Variants in ADCY5 observed in about 807,000 individuals in gnomAD.
ADCY5 encodes the protein adenylate cyclase 5.
In ADCY5, 30 loss-of-function variants were observed where a neutral mutation model predicts 119.7. The observed-to-expected ratio is 0.25, with a 90% CI of 0.19 to 0.34. The LOEUF (loss-of-function observed/expected upper bound fraction) is 0.34, where lower values mean the gene tolerates loss of function less well. Ranked by LOEUF, ADCY5 falls within the 10% of genes least tolerant of loss-of-function variation. The pLI, the probability that ADCY5 is intolerant of heterozygous loss-of-function variation, is 1.00. For missense variants in ADCY5, 1,324 were observed against 1,775.2 expected, an observed-to-expected ratio of 0.75 and a Z score of 4.57; for synonymous variants, 753 against 762.2, an observed-to-expected ratio of 0.99 and a Z score of 0.20.
intron 1 of ADCY5, among the ~76,000 whole-genome samples, chr3:123,430,577 C>G (rs902562224): frequency 2.0e-5 from 3 of 152,260 alleles, no homozygotes; most frequent in African/African-American, 7.2e-5. Flanking sequence ...ACGGGCTTTT[C>G]TAGGCCATTG....
chr3:123,443,918 A>AG (rs1490814891), intron 1 of ADCY5, among the ~76,000 whole-genome samples: 2 of 152,216 alleles, frequency 1.3e-5, no homozygotes, highest in Admixed American at 1.3e-4. Flanking sequence ...TCCAGACCAT[A>AG]GAGCTGCTGC....
Position 123,347,812 on chromosome 3 carries a change from T to C in ADCY5, c.1376A>G (p.Lys459Arg), listed in dbSNP as rs1085307592. ...GTTGTCATGTTTCTGGATGTAAATC[T>C]TATGGAACATCATATCCTCCTGCTT... ...NAKQEDMMFH[K>R]IYIQKHDNVS... Residue 459 changes from lysine to arginine, a missense_variant, in exon 3 of 21, where the codon AAG (lysine) becomes AGG (arginine). By Grantham distance (26) the Lys-to-Arg change is conservative (BLOSUM62 2). Around this residue, in one of 6 missense-constraint regions of ADCY5, gnomAD observed 123 missense variants for 287.9 expected, o/e 0.43. Coordinates refer to ENST00000462833, the MANE Select transcript of ADCY5 (RefSeq NM_183357.3). 3.1e-6 allele frequency: 5 copies of C among 1,614,114 alleles called. No individual in the cohort carries two copies. Among genetic ancestry groups the C allele is most frequent in the Non-Finnish European group, 4.2e-6 (5 of 1,179,996 alleles).
intron 13 of ADCY5, among the ~76,000 whole-genome samples, 186 bp from the exon 14 acceptor site, chr3:123,303,405 G>A (rs1044584517): frequency 1.3e-5 from 2 of 152,178 alleles, no homozygotes; most frequent in East Asian, 1.9e-4. Context: ...TGGCTGGAGG[G>A]GGTGTGGCTA....
chr3:123,404,774 G>A (rs1442095103), intron 1 of ADCY5, among the ~76,000 whole-genome samples: 1 of 152,184 alleles, frequency 6.6e-6, no homozygotes, highest in Non-Finnish European at 1.5e-5. Context: ...AAATCACAAG[G>A]CCAGGGCTCA....
chr3:123,303,224 G>C lies in ADCY5; in HGVS notation c.2560-5C>G, dbSNP rs768146521. On this transcript the variant is annotated splice_region_variant and splice_polypyrimidine_tract_variant and intron_variant, in intron 13 of 20. Transcript: ENST00000462833. ...GTCCCTGGAGTTGCACGTGAACTGGGGGGAGGAAGGAGGGTGATGAGGGGA... is the reference window on the plus strand; with the variant it reads ...GTCCCTGGAGTTGCACGTGAACTGGCGGGAGGAAGGAGGGTGATGAGGGGA... 5 of 1,611,436 alleles carry C rather than the reference G, an allele frequency of 3.1e-6. No homozygotes were observed. Among genetic ancestry groups the C allele is most frequent in the Admixed American group, 3.3e-5 (2 of 59,958 alleles).
At chr3:123,396,397 AAAAG>A (rs1249895560) in intron 1 of ADCY5, among the ~76,000 whole-genome samples, 21 of 120,902 alleles carry the variant, frequency 1.7e-4, no homozygotes, top group African/African-American at 4.7e-4. Context: ...GAAAGAGAGA[AAAAG>A]AAAGAGAAAG....
intron 1 of ADCY5, among the ~76,000 whole-genome samples, chr3:123,413,243 C>T (rs1239894005): frequency 6.6e-6 from 1 of 152,188 alleles, no homozygotes. Context: ...AGGAGCTGAG[C>T]GTGCCTAAAA....
At chr3:123,433,904 C>T (rs1279571552) in intron 1 of ADCY5, among the ~76,000 whole-genome samples, 1 of 152,192 alleles carries the variant, frequency 6.6e-6, no homozygotes, top group Non-Finnish European at 1.5e-5. Flanking sequence ...CTCAGAAGCT[C>T]TTCATAGGTA....
chr3:123,354,459 G>A (rs533482809), intron 1 of ADCY5, among the ~76,000 whole-genome samples: 2 of 152,338 alleles, frequency 1.3e-5, no homozygotes, highest in East Asian at 1.9e-4. Flanking sequence ...GGAAGAAATA[G>A]ACCATGGCCT....
At position 123,396,699 on chromosome 3, in the gene ADCY5, AGAGG is replaced by A. The variant is rs199888302; in HGVS notation, c.1135-44122_1135-44119del. Reference sequence around the variant, plus strand: ...ATAAGAACAAAAGAAAGAGAGAGAGAGAGGGAGGGAGGGAGAGAGAAGGGAGGGA... The same window carrying A: ...ATAAGAACAAAAGAAAGAGAGAGAGAGAGGGAGGGAGAGAGAAGGGAGGGA... On this transcript the variant is annotated intron_variant, in intron 1 of 20. Coordinates refer to ENST00000462833, the MANE Select transcript of ADCY5 (RefSeq NM_183357.3). 5.1e-3 allele frequency among the ~76,000 whole-genome samples: 724 copies of A among 141,370 alleles called. 10 individuals carry two copies. The highest frequency in any genetic ancestry group is 0.018 in the African/African-American group (665 of 36,034). The allele number at this position is 141,370 out of a possible 152,430, so 92.7% of individuals were successfully genotyped here.
At chr3:123,309,366 C>A (rs751099161) in intron 12 of ADCY5, among the ~76,000 whole-genome samples, 2 of 152,242 alleles carry the variant, frequency 1.3e-5, no homozygotes, top group African/African-American at 4.8e-5. Flanking sequence ...GGGGTCCCCA[C>A]GCCAGTGCTC....
At chr3:123,397,797 G>T (rs1944644415) in intron 1 of ADCY5, among the ~76,000 whole-genome samples, 1 of 152,178 alleles carries the variant, frequency 6.6e-6, no homozygotes, top group Non-Finnish European at 1.5e-5. Context: ...TTAAGGAAGG[G>T]GACTGAGGAA....
chr3:123,434,784 T>C (rs1189168018), intron 1 of ADCY5, among the ~76,000 whole-genome samples: 6 of 152,030 alleles, frequency 3.9e-5, no homozygotes, highest in Non-Finnish European at 8.8e-5. Context: ...AAATCTCTTG[T>C]CTATAGCCCT....
At position 123,359,839 on chromosome 3, in the gene ADCY5, C is replaced by T. The variant is rs188649576; in HGVS notation, c.1135-7258G>A. On this transcript the variant is annotated intron_variant, in intron 1 of 20. Transcript: ENST00000462833. ...CATAAAACTAACAACGAAATGAGTC[C>T]CAAATAAAAGAAGCTGACATCCTGG... Among the ~76,000 whole-genome samples, 12 of 152,194 alleles carry T rather than the reference C, an allele frequency of 7.9e-5. 1 individual carries two copies. The highest frequency in any genetic ancestry group is 2.7e-4 in the African/African-American group (11 of 41,492).
At chr3:123,357,242 T>TAA (rs200981510) in intron 1 of ADCY5, among the ~76,000 whole-genome samples, 1 of 144,454 alleles carries the variant, frequency 6.9e-6, no homozygotes, top group Non-Finnish European at 1.5e-5. Context: ...TACCTTAATT[T>TAA]AAAAAAAAAA....
chr3:123,323,494 TC>T (rs1315275071), intron 8 of ADCY5, among the ~76,000 whole-genome samples: 1 of 152,026 alleles, frequency 6.6e-6, no homozygotes, highest in African/African-American at 2.4e-5. Flanking sequence ...TGCTGGTTGT[TC>T]CCTGCTCTTC....
chr3:123,413,920 G>A (rs147611079), intron 1 of ADCY5, among the ~76,000 whole-genome samples: 4 of 152,274 alleles, frequency 2.6e-5, no homozygotes, highest in Non-Finnish European at 4.4e-5. Flanking sequence ...GCCCAGCTGC[G>A]AACTGTGTGA....
At chr3:123,322,250 C>T (rs578015843) in intron 8 of ADCY5, among the ~76,000 whole-genome samples, 27 of 152,354 alleles carry the variant, frequency 1.8e-4, no homozygotes, top group Non-Finnish European at 3.2e-4. Context: ...AATTTTACTA[C>T]GGAACCGAGA....
At chr3:123,419,248 T>G (rs1945251907) in intron 1 of ADCY5, 1 of 983,644 alleles carries the variant, frequency 1.0e-6, no homozygotes, top group Admixed American at 6.2e-5. Context: ...GGCCCTCCCC[T>G]CCACGCGCCC....
Sources: gnomAD v4.1 joint callset for allele counts (sites outside exome capture counted in the v4.1 genomes callset) on GRCh38, gnomAD v4.1.1 for gene constraint, gnomAD v4.1.1 regional missense constraint, MANE v1.5 for transcripts, NCBI Gene and HGNC (gene_info 2026-07-23, HGNC 2026-07-21) for gene names.